Variants in ADARB1 observed in about 807,000 individuals in gnomAD.
ADARB1 encodes double-stranded RNA-specific editase 1.
ADARB1 carries 10 observed loss-of-function variants against 52.4 expected under a neutral mutation model. The observed-to-expected ratio is 0.19, with a 90% CI of 0.12 to 0.32. The LOEUF is 0.32. Among genes scored for constraint, ADARB1 ranks in the 10% least tolerant of loss-of-function variants. ADARB1 has a pLI of 1.00. For synonymous variants in ADARB1, 349 were observed against 371.1 expected (o/e 0.94, Z 0.68); for missense variants, 643 against 922.3 (o/e 0.70, Z 3.92).
chr21:45,179,170 C>T (rs903372779), intron 4 of ADARB1, among the ~76,000 whole-genome samples: 4 of 152,184 alleles, frequency 2.6e-5, no homozygotes, highest in Admixed American at 6.5e-5. Flanking sequence ...CTCAGTTCCT[C>T]GCGTCCGCTC....
chr21:45,199,200 C>T (rs566570102), intron 8 of ADARB1, among the ~76,000 whole-genome samples: 2 of 152,292 alleles, frequency 1.3e-5, no homozygotes, highest in African/African-American at 4.8e-5. Context: ...GAGCCTGATC[C>T]CTCTTTGTCC....
At chr21:45,175,314 A>G (rs992220028) in intron 3 of ADARB1, among the ~76,000 whole-genome samples, 1 of 152,194 alleles carries the variant, frequency 6.6e-6, no homozygotes, top group African/African-American at 2.4e-5. Flanking sequence ...TAAAATAAAT[A>G]TATATTTATC....
intron 2 of ADARB1, among the ~76,000 whole-genome samples, chr21:45,148,859 C>T (rs1037172502): frequency 1.3e-5 from 2 of 152,224 alleles, no homozygotes; most frequent in Non-Finnish European, 2.9e-5. Context: ...CCACCCATGC[C>T]GCCATGGGAG....
chr21:45,096,283 T>A (rs2086758045), intron 1 of ADARB1, among the ~76,000 whole-genome samples: 1 of 152,024 alleles, frequency 6.6e-6, no homozygotes. Context: ...AGTGCGTGAG[T>A]TGGATTCTGT....
chr21:45,220,735 A>G lies in ADARB1; in HGVS notation c.1748-101A>G, dbSNP rs1439464671. The G allele has an allele frequency of 2.0e-5, 26 of 1,286,756 alleles. No individual in the cohort carries two copies. The East Asian group carries it at 4.7e-4, about 23-fold the overall frequency. 79.7% of individuals were successfully genotyped at this position (1,286,756 alleles called of 1,614,324 possible). On this transcript the variant is annotated intron_variant, in intron 9 of 10. Coordinates refer to ENST00000348831, the MANE Select transcript of ADARB1 (RefSeq NM_001112.4). The surrounding 1 kb of genome is among the most constrained non-coding windows in gnomAD (Gnocchi z 6.3). ...GGCAGGCAGAATTCCCCCACCACGC[A>G]CTTCTGTGGCCATGTCTGAGCACAG... is the stretch of plus-strand genomic sequence containing the variant.
At chr21:45,091,519 T>C (rs1205019815) in intron 1 of ADARB1, among the ~76,000 whole-genome samples, 1 of 152,184 alleles carries the variant, frequency 6.6e-6, no homozygotes, top group African/African-American at 2.4e-5. Context: ...TCTGCTATAG[T>C]TCTGGACATC....
chr21:45,083,860 C>G (rs1214241004), intron 1 of ADARB1, among the ~76,000 whole-genome samples: 1 of 152,126 alleles, frequency 6.6e-6, no homozygotes, highest in East Asian at 1.9e-4. Context: ...GCCACCACAC[C>G]CGGCTAATTT....
intron 2 of ADARB1, among the ~76,000 whole-genome samples, chr21:45,130,433 A>G (rs1424430383): frequency 1.3e-5 from 2 of 152,242 alleles, no homozygotes; most frequent in Non-Finnish European, 2.9e-5. Flanking sequence ...ATATTACGAC[A>G]TGATGAGTCA....
At chr21:45,095,251 C>T (rs912340162) in intron 1 of ADARB1, among the ~76,000 whole-genome samples, 2 of 152,212 alleles carry the variant, frequency 1.3e-5, no homozygotes, top group African/African-American at 4.8e-5. Context: ...CCTACCTGCC[C>T]CCAGCCCAGG....
intron 1 of ADARB1, among the ~76,000 whole-genome samples, chr21:45,123,070 T>A (rs1310997403): frequency 2.0e-5 from 3 of 152,172 alleles, no homozygotes; most frequent in African/African-American, 7.2e-5. Flanking sequence ...TTTTGTTCTG[T>A]TGCCTGATTA....
rs2091685500 is a variant in ADARB1 at position 45,176,157 on chromosome 21, C to T, written c.456C>T (p.His152=). 5.0e-6 allele frequency: 8 copies of T among 1,614,226 alleles called. No homozygotes were observed. In the South Asian group the frequency reaches 5.5e-5, roughly 11 times the overall value. The change falls in exon 4 of 11, where the codon CAC becomes CAT. Residue 152 remains histidine, a synonymous_variant. Coordinates refer to ENST00000348831, the MANE Select transcript of ADARB1 (RefSeq NM_001112.4). The surrounding 1 kb of genome is among the most constrained non-coding windows in gnomAD (Gnocchi z 5.8). ...AGTTTCCTAATGCCTCTGAGGCCCA[C>T]CTGGCCATGGGGAGGACCCTGTCTG... ...FVQFPNASEA[H]LAMGRTLSVN... is the part of the protein sequence containing the mutation.
At position 45,222,597 on chromosome 21, in the gene ADARB1, T is replaced by C; in HGVS notation, c.*400T>C. 9.9e-7 allele frequency: 1 copy of C among 1,007,860 alleles called. No individual in the cohort carries two copies. Among genetic ancestry groups the C allele is most frequent in the Middle Eastern group, 4.9e-4 (1 of 2,034 alleles). 62.4% of individuals were successfully genotyped at this position (1,007,860 alleles called of 1,614,324 possible). A position where few individuals can be genotyped will look rare whatever the true frequency, so the allele number is the denominator to read the frequency against. On this transcript the variant is annotated 3_prime_UTR_variant, in exon 11 of 11. Coordinates refer to ENST00000348831, the MANE Select transcript of ADARB1 (RefSeq NM_001112.4). ...ATTTATTCAGAGCTAGGAATGTGGT[T>C]TATAAAATAGGAAGTAATTGTGTCA...
In ADARB1 at chr21:45,157,684, C is replaced by T. The variant is rs1367638668; in HGVS notation, c.-47-13926C>T. Among the ~76,000 whole-genome samples, 1 of 152,078 alleles carries T rather than the reference C, an allele frequency of 6.6e-6. No individual in the cohort carries two copies. Among genetic ancestry groups the T allele is most frequent in the Non-Finnish European group, 1.5e-5 (1 of 68,032 alleles). ...CTCTGTATGTGTGAACATGTATGGACATATGTGCATAGGGTGGGGGTAACG... is the reference window on the plus strand; with the variant it reads ...CTCTGTATGTGTGAACATGTATGGATATATGTGCATAGGGTGGGGGTAACG... On this transcript the variant is annotated intron_variant, in intron 2 of 10. Transcript: ENST00000348831. The surrounding 1 kb of genome is among the most constrained non-coding windows in gnomAD (Gnocchi z 4.1).
chr21:45,077,032 A>G (rs977289490), intron 1 of ADARB1, among the ~76,000 whole-genome samples: 8 of 152,238 alleles, frequency 5.3e-5, no homozygotes, highest in East Asian at 1.9e-4. Context: ...GCTGCACCCA[A>G]TTGTGTATTG....
intron 2 of ADARB1, among the ~76,000 whole-genome samples, chr21:45,140,618 T>C (rs900652814): frequency 6.6e-6 from 1 of 152,090 alleles, no homozygotes; most frequent in Non-Finnish European, 1.5e-5. Flanking sequence ...CTTTACACCA[T>C]CTGTGTGTGT....
chr21:45,099,116 G>A lies in ADARB1; in HGVS notation c.-220+24323G>A, dbSNP rs59248850. On this transcript the variant is annotated intron_variant, in intron 1 of 10. Transcript: ENST00000348831. Reference sequence around the variant, plus strand: ...AGATGCTTGGGACTGAAATTTAGCCGTGGATCATAGCCTGAATGGGATTTT... The same window carrying A: ...AGATGCTTGGGACTGAAATTTAGCCATGGATCATAGCCTGAATGGGATTTT... Among the ~76,000 whole-genome samples the A allele has an allele frequency of 6.5e-3, 986 of 152,268 alleles. 26 individuals carry two copies. In the East Asian group the frequency reaches 0.079, roughly 12 times the overall value.
At chr21:45,192,957 A>C (rs914698405) in intron 8 of ADARB1, among the ~76,000 whole-genome samples, 4 of 152,190 alleles carry the variant, frequency 2.6e-5, no homozygotes, top group Non-Finnish European at 4.4e-5. Flanking sequence ...TCCCACCAAA[A>C]ATGACAACAA....
rs1569066737 is a variant in ADARB1, at chr21:45,146,123, CGG to C, written c.-48+17551_-48+17552del. Reference sequence around the variant, plus strand: ...ACTGCCTGTGGTGGGGTTATGGTTTCGGACTTACCTGATCCGTTCTGCCGGGA... The same window carrying C: ...ACTGCCTGTGGTGGGGTTATGGTTTCACTTACCTGATCCGTTCTGCCGGGA... On this transcript the variant is annotated intron_variant, in intron 2 of 10. Transcript: ENST00000348831. 1.1e-4 allele frequency: 15 copies of C among 132,186 alleles called. No individual in the cohort carries two copies. In the East Asian group the frequency reaches 2.6e-3, roughly 23 times the overall value. 8.2% of individuals were successfully genotyped at this position (132,186 alleles called of 1,614,324 possible).
chr21:45,221,388 C>T lies in ADARB1; in HGVS notation c.1926+374C>T, dbSNP rs772799545. 1.2e-4 allele frequency among the ~76,000 whole-genome samples: 18 copies of T among 152,230 alleles called. No individual in the cohort carries two copies. Among genetic ancestry groups the T allele is most frequent in the South Asian group, 6.2e-4 (3 of 4,830 alleles). ...AATTGCTTGGATTGTGATAACCCTC[C>T]AGTGGAGTTTTTAAACCTTTTGAAT... On this transcript the variant is annotated intron_variant, in intron 10 of 10. Coordinates refer to ENST00000348831, the MANE Select transcript of ADARB1 (RefSeq NM_001112.4). This position sits in a 1 kb window ranked among gnomAD's most constrained non-coding sequence, Gnocchi z 4.9.
Sources: gnomAD v4.1 joint callset for allele counts (sites outside exome capture counted in the v4.1 genomes callset) on GRCh38, gnomAD v4.1.1 for gene constraint, Gnocchi (gnomAD v3.1) non-coding constraint, MANE v1.5 for transcripts, NCBI Gene and HGNC (gene_info 2026-07-23, HGNC 2026-07-21) for gene names.